Variants in MAST4 observed in about 807,000 individuals in gnomAD.
MAST4 encodes microtubule-associated serine/threonine-protein kinase 4.
Under a neutral mutation model 162.7 loss-of-function variants are expected in MAST4, and 89 were observed. The ratio of observed to expected loss-of-function variants is 0.55; its 90% CI spans 0.46 to 0.65. The LOEUF (loss-of-function observed/expected upper bound fraction) is 0.65. MAST4 is among the 30% of genes least tolerant of loss of function. The probability of loss-of-function intolerance (pLI) is 0.00; values close to 1 mark genes in which losing one functional copy is unlikely to be tolerated. For missense variants in MAST4, 3,153 were observed against 3,374.0 expected, an observed-to-expected ratio of 0.93 and a Z score of 1.62; for synonymous variants, 1,479 against 1,361.1, an observed-to-expected ratio of 1.09 and a Z score of -1.91.
At chr5:66,739,831 T>C (rs1012397316) in intron 1 of MAST4, among the ~76,000 whole-genome samples, 3 of 149,802 alleles carry the variant, frequency 2.0e-5, no homozygotes, top group Admixed American at 6.8e-5. Flanking sequence ...CAGGATGTTA[T>C]TTTCCATCAC....
chr5:66,790,359 T>C (rs575549753), intron 3 of MAST4, among the ~76,000 whole-genome samples: 12 of 152,268 alleles, frequency 7.9e-5, no homozygotes, highest in African/African-American at 2.6e-4. Flanking sequence ...AAAAGAGGCA[T>C]TAAACAGTCT....
chr5:66,809,895 C>A (rs562018387), intron 3 of MAST4, among the ~76,000 whole-genome samples: 1 of 152,254 alleles, frequency 6.6e-6, no homozygotes, highest in South Asian at 2.1e-4. Context: ...ACCACCACAC[C>A]CAGGTAATTT....
intron 14 of MAST4, among the ~76,000 whole-genome samples, chr5:67,129,196 T>C (rs1401844937): frequency 1.3e-5 from 2 of 152,192 alleles, no homozygotes; most frequent in East Asian, 1.9e-4. Flanking sequence ...CCCGCTCTTA[T>C]GCTGGGACAT....
chr5:66,620,711 G>A (rs10805415), intron 1 of MAST4, among the ~76,000 whole-genome samples: 8 of 151,888 alleles, frequency 5.3e-5, no homozygotes, highest in African/African-American at 1.7e-4. Context: ...TCTTTTTTTC[G>A]TCCTGCCTCT....
chr5:66,897,886 A>T (rs464731), intron 3 of MAST4, among the ~76,000 whole-genome samples: 81,669 of 152,050 alleles, frequency 0.54, 22,330 homozygotes, highest in Middle Eastern at 0.61. Flanking sequence ...TCTCAGAGCA[A>T]AGCAGCCAGT....
chr5:66,852,612 G>A (rs1432042170), intron 3 of MAST4, among the ~76,000 whole-genome samples: 8 of 152,184 alleles, frequency 5.3e-5, no homozygotes, highest in African/African-American at 1.4e-4. Context: ...TGAGGGAGAA[G>A]TTGGGCTGGA....
chr5:67,078,856 TTATATAAATATATA>T (rs1762084570), intron 5 of MAST4, among the ~76,000 whole-genome samples: 2 of 109,238 alleles, frequency 1.8e-5, no homozygotes, highest in Non-Finnish European at 3.4e-5. Context: ...ATTTATATAT[TTATATAAATATATA>T]TTTATATAAA....
chr5:66,633,049 A>G (rs1166586192), intron 1 of MAST4, among the ~76,000 whole-genome samples: 4 of 152,186 alleles, frequency 2.6e-5, no homozygotes, highest in Non-Finnish European at 5.9e-5. Flanking sequence ...TTACCACTGT[A>G]AAAGGGATGC....
intron 1 of MAST4, among the ~76,000 whole-genome samples, chr5:66,640,124 A>C (rs1745391331): frequency 6.6e-6 from 1 of 152,094 alleles, no homozygotes; most frequent in Admixed American, 6.5e-5. Flanking sequence ...TTTTCTATGT[A>C]TACAACAACT....
chr5:67,055,692 T>G (rs1758711648), intron 5 of MAST4, among the ~76,000 whole-genome samples: 1 of 152,168 alleles, frequency 6.6e-6, no homozygotes, highest in Non-Finnish European at 1.5e-5. Flanking sequence ...CTTTCCCAGG[T>G]AAAACCTTAG....
chr5:67,064,537 A>G (rs542558948), intron 5 of MAST4, among the ~76,000 whole-genome samples: 1 of 152,354 alleles, frequency 6.6e-6, no homozygotes, highest in Admixed American at 6.5e-5. Context: ...AGCCCTGTAC[A>G]TCATACATTA....
chr5:66,734,920 C>T (rs887809765), intron 1 of MAST4, among the ~76,000 whole-genome samples: 5 of 152,174 alleles, frequency 3.3e-5, no homozygotes, highest in Admixed American at 6.5e-5. Flanking sequence ...AATTCTTCCA[C>T]GGGACACCTG....
chr5:66,819,860 A>G (rs1258533133), intron 3 of MAST4, among the ~76,000 whole-genome samples: 3 of 148,978 alleles, frequency 2.0e-5, no homozygotes, highest in Non-Finnish European at 4.4e-5. Flanking sequence ...TGCTGCTTAG[A>G]TCTCCCAGGC....
rs1031649392 is a variant in MAST4, at chr5:66,688,821, T to A, written c.364-70888T>A. ...GGGAAGACCTTGCTTATACTAAGAC[T>A]GGCTGCTAAAGCCAATAGGACAGAG... is the stretch of plus-strand genomic sequence containing the variant. On this transcript the variant is annotated intron_variant, in intron 1 of 28. Coordinates refer to ENST00000403625, the MANE Select transcript of MAST4 (RefSeq NM_001164664.2). Among the ~76,000 whole-genome samples, 3 of 152,166 alleles carry A rather than the reference T, an allele frequency of 2.0e-5. No individual in the cohort carries two copies. In the South Asian group the frequency reaches 6.2e-4, roughly 32 times the overall value.
At chr5:67,043,001 TTAAA>T (rs1436138171) in intron 4 of MAST4, among the ~76,000 whole-genome samples, 1 of 152,182 alleles carries the variant, frequency 6.6e-6, no homozygotes, top group Non-Finnish European at 1.5e-5. Flanking sequence ...CTGGGAGGTG[TTAAA>T]TAGTCATGCT....
chr5:66,879,669 C>A (rs116671270), intron 3 of MAST4, among the ~76,000 whole-genome samples: 1 of 152,152 alleles, frequency 6.6e-6, no homozygotes, highest in Non-Finnish European at 1.5e-5. Context: ...CACATCACCA[C>A]GCCCAGATAA....
rs1762694448 is a variant in MAST4 at position 67,081,883 on chromosome 5, A to G, written c.764-8279A>G. Among the ~76,000 whole-genome samples the G allele has an allele frequency of 3.3e-5, 5 of 152,202 alleles. No individual in the cohort carries two copies. In the South Asian group the frequency reaches 1.0e-3, roughly 31 times the overall value. ...TGTAATGACATTTTAAATGTGTTTCAGAAAGTGCCTGGGATTAATCACAAA... is the reference window on the plus strand; with the variant it reads ...TGTAATGACATTTTAAATGTGTTTCGGAAAGTGCCTGGGATTAATCACAAA... On this transcript the variant is annotated intron_variant, in intron 5 of 28. Coordinates refer to ENST00000403625, the MANE Select transcript of MAST4 (RefSeq NM_001164664.2).
rs1395413251 is a variant in MAST4, at chr5:66,732,638, A to G, written c.364-27071A>G. On this transcript the variant is annotated intron_variant, in intron 1 of 28. Coordinates refer to ENST00000403625, the MANE Select transcript of MAST4 (RefSeq NM_001164664.2). ...TGCCTGCGATATGTAGGCAATCAAC[A>G]TTTGTTCTTTGAATGAAAAACTGAA... Among the ~76,000 whole-genome samples the G allele has an allele frequency of 2.0e-5, 3 of 152,198 alleles. No individual in the cohort carries two copies. In the East Asian group the frequency reaches 5.8e-4, roughly 29 times the overall value.
At chr5:66,728,378 G>A (rs1050142001) in intron 1 of MAST4, among the ~76,000 whole-genome samples, 5 of 152,154 alleles carry the variant, frequency 3.3e-5, no homozygotes, top group African/African-American at 1.2e-4. Flanking sequence ...AGATGGTTCC[G>A]TAGGTAGCTT....
Sources: allele counts gnomAD v4.1 joint callset (sites outside exome capture counted in the v4.1 genomes callset), GRCh38; gene constraint gnomAD v4.1.1; transcripts MANE v1.5; gene names NCBI Gene and HGNC (gene_info 2026-07-23, HGNC 2026-07-21).